Variants in IDH3A observed in about 807,000 individuals in gnomAD.
IDH3A encodes isocitrate dehydrogenase [NAD] subunit alpha, mitochondrial.
Under a neutral mutation model 43.3 loss-of-function variants are expected in IDH3A, and 23 were observed. That is an observed-to-expected ratio of 0.53 (90% CI 0.38 to 0.75). The LOEUF (loss-of-function observed/expected upper bound fraction) is 0.75, where lower values mean the gene tolerates loss of function less well. Among genes scored for constraint, IDH3A ranks in the 30% least tolerant of loss-of-function variants. The pLI is 0.00. For synonymous variants in IDH3A, 154 were observed against 163.5 expected (o/e 0.94, Z 0.44); for missense variants, 329 against 474.4 (o/e 0.69, Z 2.85).
intron 1 of IDH3A, among the ~76,000 whole-genome samples, chr15:78,150,104 G>T (rs919459216): frequency 2.0e-5 from 3 of 152,230 alleles, no homozygotes; most frequent in Admixed American, 2.0e-4. Flanking sequence ...GACCAGCAGA[G>T]CCTTCCTTTT....
At position 78,161,884 on chromosome 15, in the gene IDH3A, C is replaced by A; in HGVS notation, c.477+116C>A. ...GGAGTTGTGGGTGTTTGTCTTGGTG[C>A]TGGGTGTCTGGCTGACAGTACTCAA... On this transcript the variant is annotated intron_variant, in intron 5 of 10. Coordinates refer to ENST00000299518, the MANE Select transcript of IDH3A (RefSeq NM_005530.3). The surrounding 1 kb of genome is among the most constrained non-coding windows in gnomAD (Gnocchi z 4.8). 2.2e-6 allele frequency: 2 copies of A among 908,654 alleles called. No individual in the cohort carries two copies. The highest frequency in any genetic ancestry group is 2.2e-5 in the Admixed American group (1 of 46,184). The allele number at this position is 908,654 out of a possible 1,614,324, so 56.3% of individuals were successfully genotyped here.
rs1295890091 is a variant in IDH3A at position 78,161,552 on chromosome 15, T to C, written c.290-29T>C. The C allele has an allele frequency of 1.3e-6, 2 of 1,593,536 alleles. No individual in the cohort carries two copies. The highest frequency in any genetic ancestry group is 1.7e-5 in the Admixed American group (1 of 59,542). ...CACGTGAGACCAGAATTCCTTCTAGTGTCATCTGGGTTTTCTTCTGTATAA... is the reference window on the plus strand; with the variant it reads ...CACGTGAGACCAGAATTCCTTCTAGCGTCATCTGGGTTTTCTTCTGTATAA... On this transcript the variant is annotated intron_variant, in intron 4 of 10. Coordinates refer to ENST00000299518, the MANE Select transcript of IDH3A (RefSeq NM_005530.3). The surrounding 1 kb of genome is among the most constrained non-coding windows in gnomAD (Gnocchi z 4.8).
At chr15:78,152,575 G>C (rs1420573338) in intron 1 of IDH3A, among the ~76,000 whole-genome samples, 1 of 151,340 alleles carries the variant, frequency 6.6e-6, no homozygotes, top group Admixed American at 6.6e-5. Flanking sequence ...AGTCAGGCTG[G>C]TCTTGAACTC....
chr15:78,160,095 C>G lies in IDH3A; in HGVS notation c.178C>G (p.Pro60Ala). The G allele has an allele frequency of 6.3e-7, 1 of 1,595,084 alleles. No homozygotes were observed. Among genetic ancestry groups the G allele is most frequent in the Non-Finnish European group, 8.6e-7 (1 of 1,162,732 alleles). The part of the protein sequence containing the change: ...VMKIFDAAKA[P>A]IQWEERNVTA... ...TGCTCTGTGATGTGGCATCTAGGCA[C>G]CTATTCAGTGGGAGGAGCGGAACGT... is the stretch of plus-strand genomic sequence containing the variant. Residue 60 changes from proline (P) to alanine (A), a missense_variant, in exon 4 of 11, where the codon CCT becomes GCT. Physicochemically the swap from Pro to Ala is conservative, Grantham distance 27 (BLOSUM62 -1). Transcript: ENST00000299518.
At chr15:78,166,019 G>T in intron 9 of IDH3A, 131 bp from the exon 10 acceptor site, 1 of 827,240 alleles carries the variant, frequency 1.2e-6, no homozygotes. Flanking sequence ...CATATCAGAT[G>T]AATTGCACGC....
rs1442401094 is a variant in IDH3A at position 78,161,977 on chromosome 15, A to G, written c.477+209A>G. Among the ~76,000 whole-genome samples the G allele has an allele frequency of 2.0e-5, 3 of 150,868 alleles. No homozygotes were observed. Among genetic ancestry groups the G allele is most frequent in the Non-Finnish European group, 4.4e-5 (3 of 67,648 alleles). On this transcript the variant is annotated intron_variant, in intron 5 of 10. Coordinates refer to ENST00000299518, the MANE Select transcript of IDH3A (RefSeq NM_005530.3). The surrounding 1 kb of genome is among the most constrained non-coding windows in gnomAD (Gnocchi z 4.8). ...ATGCCCTCTGAATTTTGAATCCCCC[A>G]CTTCACAGGTGCGCTCTTCCGCAGA...
chr15:78,153,213 A>G (rs145620315), intron 1 of IDH3A, among the ~76,000 whole-genome samples: 127 of 152,298 alleles, frequency 8.3e-4, no homozygotes, highest in African/African-American at 2.9e-3. Context: ...CCTGAGCTCA[A>G]GCCGACTTAG....
rs763962799 is a variant in IDH3A at position 78,158,448 on chromosome 15, C to CACATATATAT, written c.174+818_174+819insCATATATATA. ...TCATAGGTTATGCAATACATACATA[C>CACATATATAT]ATATATATATATATATTTTTTTTTT... On this transcript the variant is annotated intron_variant, in intron 3 of 10. Coordinates refer to ENST00000299518, the MANE Select transcript of IDH3A (RefSeq NM_005530.3). Among the ~76,000 whole-genome samples, 25 of 28,240 alleles carry CACATATATAT rather than the reference C, an allele frequency of 8.9e-4. 1 individual carries two copies. Among genetic ancestry groups the CACATATATAT allele is most frequent in the African/African-American group, 3.3e-3 (21 of 6,412 alleles). The allele number at this position is 28,240 out of a possible 152,430, so 18.5% of individuals were successfully genotyped here.
Position 78,171,403 on chromosome 15 carries a change from C to A in IDH3A, c.*2398C>A. 1 of 1,563,698 alleles carries A rather than the reference C, an allele frequency of 6.4e-7. No homozygotes were observed. Among genetic ancestry groups the A allele is most frequent in the Non-Finnish European group, 8.8e-7 (1 of 1,136,374 alleles). On this transcript the variant is annotated 3_prime_UTR_variant, in exon 11 of 11. Transcript: ENST00000299518. ...GGGGCTCAGGAAGAGGCTCGGAACGCCTGCCCTCTATTCTATAGAAACTGC... is the reference window on the plus strand; with the variant it reads ...GGGGCTCAGGAAGAGGCTCGGAACGACTGCCCTCTATTCTATAGAAACTGC...
rs1369662995 is a variant in IDH3A at position 78,170,945 on chromosome 15, G to GT, written c.*1941dup. The GT allele has an allele frequency of 6.5e-6, 1 of 153,178 alleles. No individual in the cohort carries two copies. The highest frequency in any genetic ancestry group is 2.4e-5 in the African/African-American group (1 of 41,594). The allele number at this position is 153,178 out of a possible 1,614,324, so 9.5% of individuals were successfully genotyped here. Reference sequence around the variant, plus strand: ...AAGCATCAAGTCAGTTGGCATGTGGGTGGCGGAGTGCCTGGTAATGGAATA... The same window carrying GT: ...AAGCATCAAGTCAGTTGGCATGTGGGTTGGCGGAGTGCCTGGTAATGGAATA... On this transcript the variant is annotated 3_prime_UTR_variant, in exon 11 of 11. Coordinates refer to ENST00000299518, the MANE Select transcript of IDH3A (RefSeq NM_005530.3).
chr15:78,160,791 C>T, intron 4 of IDH3A, among the ~76,000 whole-genome samples: 1 of 151,488 alleles, frequency 6.6e-6, no homozygotes, highest in East Asian at 2.0e-4. Flanking sequence ...AGCCACTGTG[C>T]CTGGCCTACA....
Position 78,169,123 on chromosome 15 carries a change from A to G in IDH3A, c.*118A>G, listed in dbSNP as rs191256136. 123 of 572,926 alleles carry G rather than the reference A, an allele frequency of 2.1e-4. No individual in the cohort carries two copies. In the East Asian group the frequency reaches 3.1e-3, roughly 14 times the overall value. The allele number at this position is 572,926 out of a possible 1,614,324, so 35.5% of individuals were successfully genotyped here. A position where few individuals can be genotyped will look rare whatever the true frequency, so the allele number is the denominator to read the frequency against. ...TTGTTTCTTGACAGTACATTTTTAG[A>G]TCTGGCCTTTTCTTAACAAAATCTG... On this transcript the variant is annotated 3_prime_UTR_variant, in exon 11 of 11. Coordinates refer to ENST00000299518, the MANE Select transcript of IDH3A (RefSeq NM_005530.3).
chr15:78,165,989 C>G, intron 9 of IDH3A, 161 bp from the exon 10 acceptor site: 1 of 665,394 alleles, frequency 1.5e-6, no homozygotes, highest in Non-Finnish European at 2.6e-6. Flanking sequence ...ACGCCCAACC[C>G]AGACTTTATT....
At position 78,155,102 on chromosome 15, in the gene IDH3A, A is replaced by G. The variant is rs530777542; in HGVS notation, c.28-111A>G. On this transcript the variant is annotated intron_variant, in intron 1 of 10. Transcript: ENST00000299518. ...GATTTGTATTCCTGGGAAGCTACTGAATATATCTGTGCCAAGTTGCAGCAT... is the reference window on the plus strand; with the variant it reads ...GATTTGTATTCCTGGGAAGCTACTGGATATATCTGTGCCAAGTTGCAGCAT... 1.4e-5 allele frequency: 10 copies of G among 699,556 alleles called. 1 individual carries two copies. The South Asian group carries it at 1.6e-4, about 11-fold the overall frequency. 43.3% of individuals were successfully genotyped at this position (699,556 alleles called of 1,614,324 possible).
In IDH3A at chr15:78,157,513, T is replaced by C. The variant is rs781375197; in HGVS notation, c.91-35T>C. 9 of 1,481,786 alleles carry C rather than the reference T, an allele frequency of 6.1e-6. No homozygotes were observed. The African/African-American group carries it at 1.1e-4, about 19-fold the overall frequency. The allele number at this position is 1,481,786 out of a possible 1,614,324, so 91.8% of individuals were successfully genotyped here. On this transcript the variant is annotated intron_variant, in intron 2 of 10. Coordinates refer to ENST00000299518, the MANE Select transcript of IDH3A (RefSeq NM_005530.3). ...TTTTTAAGCCTTCAAAAACAAAAATTCTTACTGTCTTCTTTGATGATTTCT... is the reference window on the plus strand; with the variant it reads ...TTTTTAAGCCTTCAAAAACAAAAATCCTTACTGTCTTCTTTGATGATTTCT...
chr15:78,171,738 C>CCA lies in IDH3A; in HGVS notation c.*2734_*2735dup. ...TCCTGTGTTATACCACTGGTTGTGG[C>CCA]CAGTGGAGTATAGATGAAGGGTTGG... On this transcript the variant is annotated 3_prime_UTR_variant, in exon 11 of 11. Coordinates refer to ENST00000299518, the MANE Select transcript of IDH3A (RefSeq NM_005530.3). 2.0e-6 allele frequency: 1 copy of CCA among 492,878 alleles called. No individual in the cohort carries two copies. The highest frequency in any genetic ancestry group is 3.7e-6 in the Non-Finnish European group (1 of 272,190). 30.5% of individuals were successfully genotyped at this position (492,878 alleles called of 1,614,324 possible). A position where few individuals can be genotyped will look rare whatever the true frequency, so the allele number is the denominator to read the frequency against.
intron 10 of IDH3A, 78 bp from the exon 11 acceptor site, chr15:78,168,844 C>T (rs1357121812): frequency 2.2e-6 from 2 of 898,872 alleles, no homozygotes; most frequent in African/African-American, 3.3e-5. Context: ...GGTGGCATCT[C>T]ACTGAGGGCT....
At chr15:78,157,339 C>G (rs1304795347) in intron 2 of IDH3A, 17 of 635,524 alleles carry the variant, frequency 2.7e-5, no homozygotes, top group Middle Eastern at 9.1e-4. Flanking sequence ...AACCTCTGAA[C>G]TCAGGTAAAG....
chr15:78,166,063 G>A (rs866520690), intron 9 of IDH3A, 87 bp from the exon 10 acceptor site: 1 of 1,252,014 alleles, frequency 8.0e-7, no homozygotes, highest in Non-Finnish European at 1.2e-6. Context: ...TATTGCTGAG[G>A]AAAGATGGTT....
Sources: gnomAD v4.1 joint callset for allele counts (sites outside exome capture counted in the v4.1 genomes callset) on GRCh38, gnomAD v4.1.1 for gene constraint, Gnocchi (gnomAD v3.1) non-coding constraint, MANE v1.5 for transcripts, NCBI Gene and HGNC (gene_info 2026-07-23, HGNC 2026-07-21) for gene names.